Variants in MRPS11 observed in about 807,000 individuals in gnomAD.
The protein encoded by MRPS11 is mitochondrial ribosomal protein S11, also known as small ribosomal subunit protein uS11m.
A neutral mutation model predicts 24.3 loss-of-function variants in MRPS11; 27 were observed. The ratio of observed to expected loss-of-function variants is 1.11; its 90% CI spans 0.82 to 1.53. The LOEUF (loss-of-function observed/expected upper bound fraction) is 1.53, where lower values mean the gene tolerates loss of function less well. Among genes scored for constraint, MRPS11 ranks in the 40% most tolerant of loss-of-function variants. MRPS11 has a pLI of 0.00. For synonymous variants in MRPS11, 104 were observed against 98.7 expected (o/e 1.05, Z -0.32); for missense variants, 277 against 256.5 (o/e 1.08, Z -0.55).
rs148144295 is a variant in MRPS11, at chr15:88,480,707, A to C, written c.*2728A>C. ...TGCACTGGAAAATGCACATTGCTTT[A>C]TCGTGAGCTCTCGGTGCACAGTGTG... On this transcript the variant is annotated 3_prime_UTR_variant, in exon 6 of 6. Transcript: ENST00000325844. This position sits in a 1 kb window ranked among gnomAD's most constrained non-coding sequence, Gnocchi z 5.1. 1.1e-4 allele frequency: 17 copies of C among 151,964 alleles called. No individual in the cohort carries two copies. Among genetic ancestry groups the C allele is most frequent in the African/African-American group, 3.9e-4 (16 of 41,470 alleles). 9.4% of individuals were successfully genotyped at this position (151,964 alleles called of 1,614,324 possible).
rs1408144960 is a variant in MRPS11 at position 88,477,955 on chromosome 15, C to T, written c.561C>T (p.Arg187=). The change falls in exon 6 of 6, where the codon CGC becomes CGT. Residue 187 remains arginine (R), a synonymous_variant. Coordinates refer to ENST00000325844, the MANE Select transcript of MRPS11 (RefSeq NM_022839.5). This position sits in a 1 kb window ranked among gnomAD's most constrained non-coding sequence, Gnocchi z 5.7. The part of the protein sequence containing the change: ...DNTPIPHNGC[R]PRKARKL ...CCCCAATCCCACACAACGGCTGCCGCCCCAGGAAGGCTCGGAAGCTGTGAT... is the reference window on the plus strand; with the variant it reads ...CCCCAATCCCACACAACGGCTGCCGTCCCAGGAAGGCTCGGAAGCTGTGAT... 6.2e-7 allele frequency: 1 copy of T among 1,614,140 alleles called. No homozygotes were observed. Among genetic ancestry groups the T allele is most frequent in the South Asian group, 1.1e-5 (1 of 91,086 alleles).
chr15:88,472,484 G>C (rs2055732715), intron 2 of MRPS11, 143 bp from the exon 3 acceptor site: 1 of 634,900 alleles, frequency 1.6e-6, no homozygotes, highest in South Asian at 1.9e-5. Context: ...GGTGGCACCA[G>C]AAGGACTGAA....
chr15:88,475,171 G>C lies in MRPS11; in HGVS notation c.343G>C (p.Glu115Gln). The C allele has an allele frequency of 6.2e-7, 1 of 1,614,262 alleles. No individual in the cohort carries two copies. Among genetic ancestry groups the C allele is most frequent in the East Asian group, 2.2e-5 (1 of 44,884 alleles). ...CCTTGCCTTTGCTTCCTGTGGCACA[G>C]AGGGATTTCGGAATGCCAAGAAGGG... ...EPLAFASCGT[E>Q]GFRNAKKGTG... The change falls in exon 4 of 6, where the codon GAG (glutamate) becomes CAG (glutamine). Residue 115 changes from glutamate (E) to glutamine (Q), a missense_variant. Glu to Gln is a conservative substitution (Grantham distance 29, BLOSUM62 2). Coordinates refer to ENST00000325844, the MANE Select transcript of MRPS11 (RefSeq NM_022839.5). This position sits in a 1 kb window ranked among gnomAD's most constrained non-coding sequence, Gnocchi z 4.1.
Position 88,478,110 on chromosome 15 carries a change from C to T in MRPS11, c.*131C>T, listed in dbSNP as rs996039940. On this transcript the variant is annotated 3_prime_UTR_variant, in exon 6 of 6. Transcript: ENST00000325844. The surrounding 1 kb of genome is among the most constrained non-coding windows in gnomAD (Gnocchi z 4.7). ...TTCAGGCAGTAAGGGAGAGTTTTGC[C>T]TCCTTACACAGTGGCCTTTGCTTGC... 7.1e-6 allele frequency: 5 copies of T among 709,182 alleles called. No individual in the cohort carries two copies. Among genetic ancestry groups the T allele is most frequent in the Non-Finnish European group, 9.6e-6 (4 of 415,756 alleles). The allele number at this position is 709,182 out of a possible 1,614,324, so 43.9% of individuals were successfully genotyped here.
chr15:88,477,055 G>A lies in MRPS11; in HGVS notation c.477+1G>A. Reference sequence around the variant, plus strand: ...GAAAGGCCTGGGGCCAGGACGCTTGGTAAGTTACAGTGATTTCCATAGTGT... The same window carrying A: ...GAAAGGCCTGGGGCCAGGACGCTTGATAAGTTACAGTGATTTCCATAGTGT... On this transcript the variant is annotated splice_donor_variant, in intron 5 of 5. Coordinates refer to ENST00000325844, the MANE Select transcript of MRPS11 (RefSeq NM_022839.5). LOFTEE classifies it high-confidence loss of function. The surrounding 1 kb of genome is among the most constrained non-coding windows in gnomAD (Gnocchi z 5.7). The A allele has an allele frequency of 6.2e-7, 1 of 1,613,822 alleles. No individual in the cohort carries two copies. The highest frequency in any genetic ancestry group is 8.5e-7 in the Non-Finnish European group (1 of 1,179,932).
intron 3 of MRPS11, among the ~76,000 whole-genome samples, chr15:88,474,773 C>A (rs2055786233): frequency 6.6e-6 from 1 of 152,108 alleles, no homozygotes. Flanking sequence ...GTTGATGAGT[C>A]CATCAGATTT....
At chr15:88,467,880 G>A (rs1207796462) in intron 1 of MRPS11, 28 bp from the exon 2 acceptor site, 1 of 1,613,500 alleles carries the variant, frequency 6.2e-7, no homozygotes, top group Admixed American at 1.7e-5. Context: ...CCGTTAGGCC[G>A]TGGCCCTCAC....
chr15:88,468,248 C>T (rs2055597396), intron 2 of MRPS11: 2 of 1,376,348 alleles, frequency 1.5e-6, no homozygotes, highest in Non-Finnish European at 1.9e-6. Flanking sequence ...GTTCAGTGAA[C>T]ATTCGTTAAA....
chr15:88,468,553 G>A, intron 2 of MRPS11: 6 of 973,574 alleles, frequency 6.2e-6, no homozygotes, highest in South Asian at 4.7e-5. Flanking sequence ...TCTACTATGA[G>A]TGAGACACCA....
chr15:88,471,494 G>C (rs189636821), intron 2 of MRPS11, among the ~76,000 whole-genome samples: 1 of 152,288 alleles, frequency 6.6e-6, no homozygotes, highest in African/African-American at 2.4e-5. Flanking sequence ...TTTATTTCCA[G>C]CTCCATTGCT....
chr15:88,477,946 C>T lies in MRPS11; in HGVS notation c.552C>T (p.Asn184=), dbSNP rs140489347. Residue 184 remains asparagine, a synonymous_variant, in exon 6 of 6, where the codon AAC becomes AAT. Coordinates refer to ENST00000325844, the MANE Select transcript of MRPS11 (RefSeq NM_022839.5). This position sits in a 1 kb window ranked among gnomAD's most constrained non-coding sequence, Gnocchi z 5.7. The part of the protein sequence containing the change: ...SITDNTPIPH[N]GCRPRKARKL ...CAGACAACACCCCAATCCCACACAACGGCTGCCGCCCCAGGAAGGCTCGGA... is the reference window on the plus strand; with the variant it reads ...CAGACAACACCCCAATCCCACACAATGGCTGCCGCCCCAGGAAGGCTCGGA... The T allele has an allele frequency of 1.9e-4, 300 of 1,614,192 alleles. 1 individual carries two copies. In the African/African-American group the frequency reaches 2.6e-3, roughly 14 times the overall value.
intron 1 of MRPS11, 62 bp from the exon 2 acceptor site, chr15:88,467,846 C>T: frequency 6.2e-7 from 1 of 1,612,974 alleles, no homozygotes; most frequent in Non-Finnish European, 8.5e-7. Flanking sequence ...ACTCGTGTCC[C>T]TTGAGCCACC....
chr15:88,469,469 G>A lies in MRPS11; in HGVS notation c.182+1445G>A, dbSNP rs2055638405. ...GTAGAAGACAGTAAATAGAAAACAA[G>A]TAAAATGTAGGAGTATAACGGTTGG... On this transcript the variant is annotated intron_variant, in intron 2 of 5. Transcript: ENST00000325844. The surrounding 1 kb of genome is among the most constrained non-coding windows in gnomAD (Gnocchi z 4.4). 6.6e-6 allele frequency among the ~76,000 whole-genome samples: 1 copy of A among 152,178 alleles called. No homozygotes were observed. The highest frequency in any genetic ancestry group is 2.4e-5 in the African/African-American group (1 of 41,438).
At chr15:88,473,099 C>A (rs2055749906) in intron 3 of MRPS11, among the ~76,000 whole-genome samples, 1 of 152,156 alleles carries the variant, frequency 6.6e-6, no homozygotes, top group Non-Finnish European at 1.5e-5. Flanking sequence ...AGATATGATT[C>A]AAGATATTAA....
intron 2 of MRPS11, 77 bp downstream of exon 2, chr15:88,468,101 AGTGAATTTTCAGCTAT>A: frequency 6.6e-7 from 1 of 1,519,158 alleles, no homozygotes; most frequent in South Asian, 1.2e-5. Flanking sequence ...AGTCAGAACC[AGTGAATTTTCAGCTAT>A]GTCACTTGCT....
chr15:88,473,774 G>T (rs1309416216), intron 3 of MRPS11, among the ~76,000 whole-genome samples: 1 of 152,240 alleles, frequency 6.6e-6, no homozygotes, highest in African/African-American at 2.4e-5. Flanking sequence ...CCTTCTGTGA[G>T]CTCTCAGAGC....
chr15:88,475,773 A>G lies in MRPS11; in HGVS notation c.411+534A>G, dbSNP rs1387207736. ...AGAGATCGAGACCATCCTGGCCAAC[A>G]TGGTGAAACCCCATCTCTACTAAAA... On this transcript the variant is annotated intron_variant, in intron 4 of 5. Transcript: ENST00000325844. This position sits in a 1 kb window ranked among gnomAD's most constrained non-coding sequence, Gnocchi z 4.1. Among the ~76,000 whole-genome samples, 3 of 152,248 alleles carry G rather than the reference A, an allele frequency of 2.0e-5. No homozygotes were observed. Among genetic ancestry groups the G allele is most frequent in the African/African-American group, 7.2e-5 (3 of 41,546 alleles).
Position 88,478,723 on chromosome 15 carries a change from G to A in MRPS11, c.*744G>A, listed in dbSNP as rs931579755. On this transcript the variant is annotated 3_prime_UTR_variant, in exon 6 of 6. Coordinates refer to ENST00000325844, the MANE Select transcript of MRPS11 (RefSeq NM_022839.5). This position sits in a 1 kb window ranked among gnomAD's most constrained non-coding sequence, Gnocchi z 4.7. ...AACATGATTCTTGGCCAGGCACGGT[G>A]GCTCACACCTGTAACCCTGGCACTT... 5.3e-5 allele frequency: 8 copies of A among 152,274 alleles called. No individual in the cohort carries two copies. Among genetic ancestry groups the A allele is most frequent in the African/African-American group, 1.9e-4 (8 of 41,432 alleles). The allele number at this position is 152,274 out of a possible 1,614,324, so 9.4% of individuals were successfully genotyped here.
In MRPS11 at chr15:88,475,366, CCT is replaced by C. The variant is rs2055800789; in HGVS notation, c.411+128_411+129del. The C allele has an allele frequency of 7.5e-7, 1 of 1,341,988 alleles. No individual in the cohort carries two copies. Among genetic ancestry groups the C allele is most frequent in the African/African-American group, 1.5e-5 (1 of 68,654 alleles). 83.1% of individuals were successfully genotyped at this position (1,341,988 alleles called of 1,614,324 possible). ...GGGTTTGTCATGGCAGCTTTGATGC[CCT>C]GATTGGAGCATTGGTTTGAAAAGGT... On this transcript the variant is annotated intron_variant, in intron 4 of 5. Coordinates refer to ENST00000325844, the MANE Select transcript of MRPS11 (RefSeq NM_022839.5). The surrounding 1 kb of genome is among the most constrained non-coding windows in gnomAD (Gnocchi z 4.1).
Sources: allele counts gnomAD v4.1 joint callset (sites outside exome capture counted in the v4.1 genomes callset), GRCh38; gene constraint gnomAD v4.1.1; non-coding constraint Gnocchi (gnomAD v3.1); transcripts MANE v1.5; gene names NCBI Gene and HGNC (gene_info 2026-07-23, HGNC 2026-07-21).